The following NUDT3 variants were observed in gnomAD, a reference collection of about 807,000 sequenced individuals.
NUDT3 encodes the protein diphosphoinositol polyphosphate phosphohydrolase 1.
NUDT3 carries 9 observed loss-of-function variants against 23.6 expected under a neutral mutation model. The observed-to-expected ratio is 0.38, with a 90% CI of 0.23 to 0.66. The LOEUF (loss-of-function observed/expected upper bound fraction) is 0.66. Among genes scored for constraint, NUDT3 ranks in the 30% least tolerant of loss-of-function variants. NUDT3 has a pLI of 0.52. For missense variants in NUDT3, 172 were observed against 218.5 expected (o/e 0.79, Z 1.34); for synonymous variants, 86 against 82.6 (o/e 1.04, Z -0.22).
rs1389114382 is a variant in NUDT3 at position 34,281,578 on chromosome 6, C to G, written c.*7175G>C. ...TCACAAAACAATAGAACAGACCTGACATTTACAAAACTGTACTACATACTT... is the reference window on the plus strand; with the variant it reads ...TCACAAAACAATAGAACAGACCTGAGATTTACAAAACTGTACTACATACTT... On this transcript the variant is annotated 3_prime_UTR_variant, in exon 5 of 5. Transcript: ENST00000607016. 2 of 127,542 alleles carry G rather than the reference C, an allele frequency of 1.6e-5. No homozygotes were observed. Among genetic ancestry groups the G allele is most frequent in the Non-Finnish European group, 3.2e-5 (2 of 62,496 alleles). The allele number at this position is 127,542 out of a possible 1,614,324, so 7.9% of individuals were successfully genotyped here.
chr6:34,342,000 G>A, intron 1 of NUDT3, 28 bp from the exon 2 acceptor site: 1 of 1,597,158 alleles, frequency 6.3e-7, no homozygotes, highest in African/African-American at 1.3e-5. Flanking sequence ...TTGCATGGGG[G>A]GGTTAAAAAT....
intron 2 of NUDT3, among the ~76,000 whole-genome samples, chr6:34,299,708 C>A (rs955718633): frequency 1.3e-5 from 2 of 151,040 alleles, no homozygotes; most frequent in Non-Finnish European, 2.9e-5. Context: ...GAGTTCAAGA[C>A]CAGCCTGGCC....
chr6:34,295,578 TATGTTA>T (rs1763486922), intron 3 of NUDT3, 57 bp downstream of exon 3: 1 of 1,528,134 alleles, frequency 6.5e-7, no homozygotes, highest in Admixed American at 2.1e-5. Flanking sequence ...GCATTTTTCC[TATGTTA>T]ATATCTGTGT....
At chr6:34,306,657 A>G (rs1166543345) in intron 2 of NUDT3, among the ~76,000 whole-genome samples, 1 of 152,226 alleles carries the variant, frequency 6.6e-6, no homozygotes, top group Non-Finnish European at 1.5e-5. Flanking sequence ...CAGGGTTCCA[A>G]CACAAACCAG....
intron 2 of NUDT3, among the ~76,000 whole-genome samples, chr6:34,326,594 C>G (rs148427605): frequency 1.8e-3 from 277 of 151,956 alleles, no homozygotes; most frequent in African/African-American, 6.1e-3. Flanking sequence ...ACATGATAAT[C>G]CAGCTTTTTT....
intron 1 of NUDT3, among the ~76,000 whole-genome samples, chr6:34,350,532 T>C (rs1378910963): frequency 1.3e-5 from 2 of 150,976 alleles, no homozygotes; most frequent in Non-Finnish European, 2.9e-5. Flanking sequence ...GTCTTGTGCA[T>C]GATGATCCCA....
chr6:34,326,541 A>G (rs1436093645), intron 2 of NUDT3, among the ~76,000 whole-genome samples: 3 of 151,786 alleles, frequency 2.0e-5, no homozygotes, highest in Non-Finnish European at 4.4e-5. Context: ...TTAAAAGCCA[A>G]TTTTTCAAAT....
intron 2 of NUDT3, among the ~76,000 whole-genome samples, chr6:34,332,641 A>C (rs1461693328): frequency 6.6e-6 from 1 of 152,206 alleles, no homozygotes; most frequent in African/African-American, 2.4e-5. Context: ...AAATGATCTA[A>C]AGTATATGGG....
At chr6:34,322,234 CTTT>C (rs988797839) in intron 2 of NUDT3, among the ~76,000 whole-genome samples, 7 of 142,504 alleles carry the variant, frequency 4.9e-5, no homozygotes, top group Admixed American at 7.1e-5. Context: ...ACCCTGGACT[CTTT>C]TTTTTTTTTT....
chr6:34,382,072 CAAAAAAAAAAAAAAA>C (rs957166787), intron 1 of NUDT3, among the ~76,000 whole-genome samples: 3 of 34,964 alleles, frequency 8.6e-5, no homozygotes, highest in African/African-American at 1.9e-4. Context: ...GACTCTATCT[CAAAAAAAAAAAAAAA>C]AAAAAAAAAA....
rs963482513 is a variant in NUDT3 at position 34,318,253 on chromosome 6, C to T, written c.211-22568G>A. Among the ~76,000 whole-genome samples the T allele has an allele frequency of 4.6e-5, 7 of 152,096 alleles. No individual in the cohort carries two copies. In the East Asian group the frequency reaches 9.6e-4, roughly 21 times the overall value. ...TTAAATACTAACTTTTACAATTGCT[C>T]GATTGCTTCACATTTCTGCCCAGAC... is the stretch of plus-strand genomic sequence containing the variant. On this transcript the variant is annotated intron_variant, in intron 2 of 4. Coordinates refer to ENST00000607016, the MANE Select transcript of NUDT3 (RefSeq NM_006703.4).
At position 34,390,034 on chromosome 6, in the gene NUDT3, G is replaced by A. The variant is rs144002443; in HGVS notation, c.99+2230C>T. ...TGCCTGTAATCCCAGCTACTCGGGA[G>A]GCTGAGGCAGGGAGAACAGCTTGAA... On this transcript the variant is annotated intron_variant, in intron 1 of 4. Coordinates refer to ENST00000607016, the MANE Select transcript of NUDT3 (RefSeq NM_006703.4). Among the ~76,000 whole-genome samples, 1,123 of 151,982 alleles carry A rather than the reference G, an allele frequency of 7.4e-3. 12 individuals are homozygous for A. The highest frequency in any genetic ancestry group is 0.024 in the Middle Eastern group (7 of 292).
intron 1 of NUDT3, among the ~76,000 whole-genome samples, chr6:34,367,959 T>C (rs1440773250): frequency 6.6e-6 from 1 of 152,108 alleles, no homozygotes; most frequent in African/African-American, 2.4e-5. Flanking sequence ...TTCCAGCACT[T>C]TGGGAGGCTG....
In NUDT3 at chr6:34,392,613, G is replaced by A. The variant is rs1438508246; in HGVS notation, c.-251C>T. On this transcript the variant is annotated 5_prime_UTR_variant, in exon 1 of 5. Coordinates refer to ENST00000607016, the MANE Select transcript of NUDT3 (RefSeq NM_006703.4). ...CGCCAGGGCCGCCGCCCCCTCTGCCGCCGCCACCCCCGACGACGACCGCGC... is the reference window on the plus strand; with the variant it reads ...CGCCAGGGCCGCCGCCCCCTCTGCCACCGCCACCCCCGACGACGACCGCGC... The A allele has an allele frequency of 3.6e-6, 1 of 279,884 alleles. No individual in the cohort carries two copies. Among genetic ancestry groups the A allele is most frequent in the South Asian group, 1.4e-4 (1 of 7,278 alleles). 17.3% of individuals were successfully genotyped at this position (279,884 alleles called of 1,614,324 possible). A position where few individuals can be genotyped will look rare whatever the true frequency, so the allele number is the denominator to read the frequency against.
chr6:34,385,353 C>T lies in NUDT3; in HGVS notation c.99+6911G>A, dbSNP rs941668656. Among the ~76,000 whole-genome samples, 5 of 151,810 alleles carry T rather than the reference C, an allele frequency of 3.3e-5. 1 individual carries two copies. The East Asian group carries it at 7.8e-4, about 24-fold the overall frequency. On this transcript the variant is annotated intron_variant, in intron 1 of 4. Coordinates refer to ENST00000607016, the MANE Select transcript of NUDT3 (RefSeq NM_006703.4). ...CTATAATCCCAGCACTTTGGGAGGC[C>T]GAGGCGGGCGGATCACCTGAGGTCG...
intron 1 of NUDT3, among the ~76,000 whole-genome samples, chr6:34,390,117 G>A (rs903559311): frequency 6.6e-6 from 1 of 152,018 alleles, no homozygotes; most frequent in South Asian, 2.1e-4. Context: ...CAGCCTGGGC[G>A]AAAGAGCGAG....
chr6:34,311,422 A>G (rs1206187599), intron 2 of NUDT3, among the ~76,000 whole-genome samples: 3 of 152,226 alleles, frequency 2.0e-5, no homozygotes, highest in Non-Finnish European at 4.4e-5. Context: ...AAACTTTCAG[A>G]TATCAAAGAA....
chr6:34,365,183 A>G (rs1764707891), intron 1 of NUDT3, among the ~76,000 whole-genome samples: 1 of 152,198 alleles, frequency 6.6e-6, no homozygotes, highest in African/African-American at 2.4e-5. Flanking sequence ...TAATCCCAGC[A>G]CTTTGGGAGG....
chr6:34,336,183 C>G (rs747408965), intron 2 of NUDT3, among the ~76,000 whole-genome samples: 3 of 152,178 alleles, frequency 2.0e-5, no homozygotes, highest in Admixed American at 2.0e-4. Flanking sequence ...GCAGGAGAAT[C>G]GCTTGAAACC....
Sources: allele counts gnomAD v4.1 joint callset (sites outside exome capture counted in the v4.1 genomes callset), GRCh38; gene constraint gnomAD v4.1.1; transcripts MANE v1.5; gene names NCBI Gene and HGNC (gene_info 2026-07-23, HGNC 2026-07-21).